The following IL19 variants were observed in gnomAD, a reference collection of about 807,000 sequenced individuals.
IL19 encodes interleukin-19.
A neutral mutation model predicts 19.5 loss-of-function variants in IL19; 15 were observed. The observed-to-expected ratio is 0.77, with a 90% CI of 0.52 to 1.19. The LOEUF is 1.19. Among genes scored for constraint, IL19 ranks in the 50% most tolerant of loss-of-function variants. IL19 has a pLI of 0.00. For missense variants in IL19, 199 were observed against 213.1 expected (o/e 0.93, Z 0.41); for synonymous variants, 78 against 78.3 (o/e 1.00, Z 0.02).
At chr1:206,771,931 C>T (rs1674857398) in intron 1 of IL19, among the ~76,000 whole-genome samples, 2 of 152,214 alleles carry the variant, frequency 1.3e-5, no homozygotes, top group South Asian at 4.1e-4. Flanking sequence ...TTCCCTGCTG[C>T]AAGGCATGGG....
chr1:206,824,432 T>C (rs962593708), intron 2 of IL19, among the ~76,000 whole-genome samples: 1 of 152,200 alleles, frequency 6.6e-6, no homozygotes, highest in Non-Finnish European at 1.5e-5. Context: ...ATTGGTGGAA[T>C]AGAGGAAAAC....
At chr1:206,797,184 G>A (rs368054589) in intron 1 of IL19, among the ~76,000 whole-genome samples, 1 of 152,182 alleles carries the variant, frequency 6.6e-6, no homozygotes, top group East Asian at 1.9e-4. Flanking sequence ...CTTGTCCGGG[G>A]TCATAGTGAC....
intron 2 of IL19, among the ~76,000 whole-genome samples, chr1:206,802,171 A>G (rs1675729081): frequency 6.6e-6 from 1 of 152,184 alleles, no homozygotes; most frequent in South Asian, 2.1e-4. Flanking sequence ...ACAGAGGCCC[A>G]GGAAGGAAGG....
intron 2 of IL19, chr1:206,834,407 C>A: frequency 1.0e-6 from 1 of 985,662 alleles, no homozygotes; most frequent in Non-Finnish European, 1.2e-6. Flanking sequence ...AGAGGTGAGG[C>A]TCACGCTGTC....
At position 206,834,439 on chromosome 1, in the gene IL19, A is replaced by G. The variant is rs1307448854; in HGVS notation, c.-2-2222A>G. On this transcript the variant is annotated intron_variant, in intron 2 of 6. Transcript: ENST00000659997. ...TGTCCGTCATCAGGGGCTCCTATGC[A>G]CCGCCATCCTAGCCCTCCTCCTTCA... 8 of 985,434 alleles carry G rather than the reference A, an allele frequency of 8.1e-6. No individual in the cohort carries two copies. In the African/African-American group the frequency reaches 1.4e-4, roughly 17 times the overall value. 61.0% of individuals were successfully genotyped at this position (985,434 alleles called of 1,614,324 possible).
intron 2 of IL19, among the ~76,000 whole-genome samples, chr1:206,828,653 A>G (rs888998994): frequency 1.4e-4 from 22 of 152,256 alleles, no homozygotes; most frequent in South Asian, 6.2e-4. Flanking sequence ...CAGTAAAAAA[A>G]AGTATTGACA....
chr1:206,821,145 T>A (rs56261669), intron 2 of IL19, among the ~76,000 whole-genome samples: 24 of 152,360 alleles, frequency 1.6e-4, no homozygotes, highest in African/African-American at 5.5e-4. Flanking sequence ...GTTGTCATTT[T>A]GCATTCCCAG....
chr1:206,801,458 T>C (rs1675706999), intron 2 of IL19, among the ~76,000 whole-genome samples: 1 of 152,242 alleles, frequency 6.6e-6, no homozygotes. Context: ...TCTGTCTCTG[T>C]GCCCTCCCCA....
Position 206,770,823 on chromosome 1 carries a change from C to G in IL19, c.-404C>G. On this transcript the variant is annotated 5_prime_UTR_variant, in exon 1 of 7. Transcript: ENST00000659997. ...CTGCCAGTCTGTGTCTTTGCTGTGTCTGTGGATGTGAGTGTCCCTGCTGGT... is the reference window on the plus strand; with the variant it reads ...CTGCCAGTCTGTGTCTTTGCTGTGTGTGTGGATGTGAGTGTCCCTGCTGGT... 7.7e-7 allele frequency: 1 copy of G among 1,295,714 alleles called. No individual in the cohort carries two copies. The highest frequency in any genetic ancestry group is 1.1e-6 in the Non-Finnish European group (1 of 888,240). 80.3% of individuals were successfully genotyped at this position (1,295,714 alleles called of 1,614,324 possible). A position where few individuals can be genotyped will look rare whatever the true frequency, so the allele number is the denominator to read the frequency against.
chr1:206,832,375 CCTAA>C (rs1676635712), intron 2 of IL19, among the ~76,000 whole-genome samples: 1 of 152,182 alleles, frequency 6.6e-6, no homozygotes, highest in East Asian at 1.9e-4. Context: ...TGTCTATAGA[CCTAA>C]TGCATTTCAT....
At chr1:206,820,462 A>G (rs1676264975) in intron 2 of IL19, among the ~76,000 whole-genome samples, 1 of 152,204 alleles carries the variant, frequency 6.6e-6, no homozygotes, top group South Asian at 2.1e-4. Context: ...TAGCCAAACA[A>G]TGTTTGCTTC....
intron 5 of IL19, chr1:206,840,553 G>A (rs563071545): frequency 5.5e-4 from 112 of 204,362 alleles, no homozygotes; most frequent in Non-Finnish European, 9.2e-4. Context: ...TCTGTGCCTC[G>A]GATTCTAAAA....
At chr1:206,828,697 A>T (rs779182039) in intron 2 of IL19, among the ~76,000 whole-genome samples, 11 of 152,162 alleles carry the variant, frequency 7.2e-5, no homozygotes, top group Non-Finnish European at 1.5e-4. Context: ...TCAGGAGTTA[A>T]AGAATAAAGA....
intron 2 of IL19, among the ~76,000 whole-genome samples, chr1:206,801,622 A>G (rs10746433): frequency 0.54 from 82,219 of 152,138 alleles, 22,943 homozygotes; most frequent in Non-Finnish European, 0.61. Context: ...AGGCTTCTCC[A>G]TCCCACCTGA....
At chr1:206,827,419 G>T (rs1480923352) in intron 2 of IL19, among the ~76,000 whole-genome samples, 1 of 152,004 alleles carries the variant, frequency 6.6e-6, no homozygotes, top group Non-Finnish European at 1.5e-5. Context: ...GGCCGGGCAC[G>T]GTGGCTCACG....
chr1:206,797,897 C>T (rs1675564830), intron 1 of IL19, among the ~76,000 whole-genome samples: 1 of 152,184 alleles, frequency 6.6e-6, no homozygotes, highest in Admixed American at 6.5e-5. Flanking sequence ...AGATAAAAAC[C>T]TTAGATGTCA....
intron 2 of IL19, among the ~76,000 whole-genome samples, chr1:206,810,087 A>C (rs192093317): frequency 6.6e-6 from 1 of 152,270 alleles, no homozygotes; most frequent in African/African-American, 2.4e-5. Flanking sequence ...AGTCCGACTC[A>C]GAATAGTTTA....
chr1:206,834,267 C>T (rs766414207), intron 2 of IL19: 567 of 985,350 alleles, frequency 5.8e-4, no homozygotes, highest in Non-Finnish European at 6.7e-4. Flanking sequence ...AACAATCTCC[C>T]CAAGGTGGAT....
chr1:206,781,414 CAAA>C (rs57060549), intron 1 of IL19, among the ~76,000 whole-genome samples: 2 of 43,026 alleles, frequency 4.6e-5, no homozygotes, highest in African/African-American at 9.1e-5. Context: ...GACTCTGTCT[CAAA>C]AAAAAAAAAA....
Sources: allele counts gnomAD v4.1 joint callset (sites outside exome capture counted in the v4.1 genomes callset), GRCh38; gene constraint gnomAD v4.1.1; transcripts MANE v1.5; gene names NCBI Gene and HGNC (gene_info 2026-07-23, HGNC 2026-07-21).